The following TRMT11 variants were observed in gnomAD, a reference collection of about 807,000 sequenced individuals.
The protein encoded by TRMT11 is tRNA (guanine(10)-N(2))-methyltransferase TRMT11.
A neutral mutation model predicts 62.8 loss-of-function variants in TRMT11; 53 were observed. That is an observed-to-expected ratio of 0.84 (90% CI 0.68 to 1.06). The LOEUF is 1.06. TRMT11 is among the 50% of genes least tolerant of loss of function. The pLI is 0.00. For synonymous variants in TRMT11, 188 were observed against 190.3 expected (o/e 0.99, Z 0.10); for missense variants, 556 against 553.4 (o/e 1.00, Z -0.05).
chr6:125,998,759 A>G (rs1193905834), intron 6 of TRMT11, 75 bp downstream of exon 6: 7 of 1,429,908 alleles, frequency 4.9e-6, no homozygotes, highest in African/African-American at 2.9e-5. Context: ...GTTGACTCCT[A>G]TGTAGAACTT....
intron 21 of TRMT11, among the ~76,000 whole-genome samples, chr6:126,144,822 G>A (rs11154347): frequency 0.13 from 19,764 of 152,162 alleles, 1,759 homozygotes; most frequent in Middle Eastern, 0.21. Flanking sequence ...TTGAGAAGAT[G>A]TGGAAGATGA....
intron 17 of TRMT11, among the ~76,000 whole-genome samples, chr6:126,065,670 A>G (rs1029785574): frequency 1.3e-5 from 2 of 152,226 alleles, no homozygotes; most frequent in African/African-American, 4.8e-5. Context: ...GAATTATAAA[A>G]TGAATACTTG....
At chr6:125,994,981 G>T (rs549941522) in intron 2 of TRMT11, among the ~76,000 whole-genome samples, 97 of 152,288 alleles carry the variant, frequency 6.4e-4, no homozygotes, top group African/African-American at 1.8e-3. Flanking sequence ...CCTGTTGGGG[G>T]TGGTGGAGTC....
intron 21 of TRMT11, among the ~76,000 whole-genome samples, chr6:126,155,498 C>A (rs1384932901): frequency 6.6e-6 from 1 of 152,112 alleles, no homozygotes; most frequent in African/African-American, 2.4e-5. Context: ...CCAATAGTCC[C>A]CGCAAATCTT....
chr6:126,264,018 T>A, the TRMT11 span, among the ~76,000 whole-genome samples: 1 of 152,192 alleles, frequency 6.6e-6, no homozygotes, highest in Non-Finnish European at 1.5e-5. Flanking sequence ...GTTTTACATG[T>A]CTCAAGTAAG....
intron 21 of TRMT11, among the ~76,000 whole-genome samples, chr6:126,118,403 C>T (rs923870971): frequency 1.3e-5 from 2 of 152,174 alleles, no homozygotes; most frequent in Non-Finnish European, 2.9e-5. Context: ...AAAAATCCCC[C>T]TTCCCACAGC....
chr6:125,992,253 T>TC (rs909571026), intron 1 of TRMT11, among the ~76,000 whole-genome samples: 30 of 152,202 alleles, frequency 2.0e-4, no homozygotes, highest in African/African-American at 7.0e-4. Flanking sequence ...TCACTTTTTT[T>TC]CCCCACCTAA....
chr6:126,232,316 T>A, the TRMT11 span, among the ~76,000 whole-genome samples: 1 of 152,162 alleles, frequency 6.6e-6, no homozygotes, highest in African/African-American at 2.4e-5. Context: ...TCTTACATTT[T>A]CTTTACTGAA....
At chr6:126,076,366 G>A (rs1006243298) in intron 17 of TRMT11, among the ~76,000 whole-genome samples, 11 of 152,188 alleles carry the variant, frequency 7.2e-5, no homozygotes, top group Admixed American at 7.2e-4. Flanking sequence ...AATGCCATCA[G>A]TGAATGTGTC....
chr6:126,087,580 A>G (rs1256643459), intron 17 of TRMT11, among the ~76,000 whole-genome samples: 1 of 152,244 alleles, frequency 6.6e-6, no homozygotes, highest in East Asian at 1.9e-4. Flanking sequence ...GATCTCAGAA[A>G]CTTTTCCTTT....
chr6:126,193,303 C>T (rs1391767222), intron 1 of TRMT11, among the ~76,000 whole-genome samples: 2 of 151,256 alleles, frequency 1.3e-5, no homozygotes, highest in Non-Finnish European at 2.9e-5. Flanking sequence ...GTATTTGGGT[C>T]TTCTCTCTTT....
At chr6:126,058,831 G>T (rs1015869240) in intron 17 of TRMT11, among the ~76,000 whole-genome samples, 2 of 152,100 alleles carry the variant, frequency 1.3e-5, no homozygotes, top group African/African-American at 4.8e-5. Context: ...TTGAAGAAAT[G>T]GATAAATTCC....
At chr6:126,108,503 A>G (rs906367885) in intron 17 of TRMT11, among the ~76,000 whole-genome samples, 3 of 152,222 alleles carry the variant, frequency 2.0e-5, no homozygotes, top group African/African-American at 7.2e-5. Flanking sequence ...TGTAATCATC[A>G]TAACAACCTC....
intron 17 of TRMT11, among the ~76,000 whole-genome samples, chr6:126,100,793 G>A (rs1777390298): frequency 6.6e-6 from 1 of 152,112 alleles, no homozygotes; most frequent in Non-Finnish European, 1.5e-5. Flanking sequence ...TTATTACATT[G>A]TAATATATAA....
At chr6:126,124,902 A>T (rs1365231360) in intron 21 of TRMT11, among the ~76,000 whole-genome samples, 5 of 152,116 alleles carry the variant, frequency 3.3e-5, no homozygotes, top group Admixed American at 6.6e-5. Flanking sequence ...GGGTTTCACC[A>T]CCATCCTCAG....
chr6:126,151,820 TTCTTTCTTTC>T (rs1778047844), intron 21 of TRMT11, among the ~76,000 whole-genome samples: 1 of 126,848 alleles, frequency 7.9e-6, no homozygotes, highest in Non-Finnish European at 1.7e-5. Flanking sequence ...CTTTCTTTCT[TTCTTTCTTTC>T]TTTCTTTCTT....
intron 21 of TRMT11, among the ~76,000 whole-genome samples, chr6:126,134,879 G>A (rs928133957): frequency 5.2e-4 from 79 of 151,692 alleles, no homozygotes; most frequent in Admixed American, 3.2e-3. Flanking sequence ...ATTAGGCAAC[G>A]TGCTCTTGAA....
intron 17 of TRMT11, among the ~76,000 whole-genome samples, chr6:126,096,713 G>A (rs1777345654): frequency 6.6e-6 from 1 of 152,056 alleles, no homozygotes; most frequent in Admixed American, 6.6e-5. Context: ...TCCTGTACCT[G>A]TAGTAGAAAC....
At chr6:126,266,120 G>A in the TRMT11 span, among the ~76,000 whole-genome samples, 2 of 151,690 alleles carry the variant, frequency 1.3e-5, no homozygotes, top group African/African-American at 4.8e-5. Context: ...TTGTAGATGG[G>A]GAAACTGTGG....
Sources: gnomAD v4.1 joint callset for allele counts (sites outside exome capture counted in the v4.1 genomes callset) on GRCh38, gnomAD v4.1.1 for gene constraint, MANE v1.5 for transcripts, NCBI Gene and HGNC (gene_info 2026-07-23, HGNC 2026-07-21) for gene names.